NUFIP2: variants seen among roughly 807,000 people sequenced by gnomAD.
NUFIP2 encodes the protein nuclear FMR1 interacting protein 2.
In NUFIP2, 6 loss-of-function variants were observed where a neutral mutation model predicts 56.9. The observed-to-expected ratio is 0.11, with a 90% CI of 0.06 to 0.21. The LOEUF is 0.21. Among genes scored for constraint, NUFIP2 ranks in the 10% least tolerant of loss-of-function variants. The pLI is 1.00. For missense variants in NUFIP2, 828 were observed against 826.8 expected (o/e 1.00, Z -0.02); for synonymous variants, 321 against 298.2 (o/e 1.08, Z -0.79).
chr17:29,286,247 C>T lies in NUFIP2; in HGVS notation c.1747G>A (p.Gly583Arg). ...AAGGCTCCACTCTCACTAGTAGTCC[C>T]AGATTTTAGAATGCTACCCAGAACT... ...PQVLGSILKS[G>R]TTSESGALSL... The change falls in exon 2 of 4, where the codon GGG (glycine) becomes AGG (arginine). Residue 583 changes from glycine to arginine, a missense_variant. Physicochemically the swap from Gly to Arg is moderately radical, Grantham distance 125. Transcript: ENST00000225388. The T allele has an allele frequency of 6.2e-7, 1 of 1,614,184 alleles. No individual in the cohort carries two copies.
intron 3 of NUFIP2, among the ~76,000 whole-genome samples, chr17:29,264,965 G>C (rs1177040647): frequency 2.0e-5 from 3 of 152,146 alleles, no homozygotes; most frequent in Admixed American, 1.3e-4. Context: ...AGAAACACTT[G>C]GATTTTTCTT....
rs760733962 is a variant in NUFIP2 at position 29,286,420 on chromosome 17, T to G, written c.1574A>C (p.Lys525Thr). The G allele has an allele frequency of 6.2e-7, 1 of 1,614,146 alleles. No homozygotes were observed. The highest frequency in any genetic ancestry group is 8.5e-7 in the Non-Finnish European group (1 of 1,180,000). The change falls in exon 2 of 4, where the codon AAG becomes ACG. Residue 525 changes from lysine (K) to threonine (T), a missense_variant. By Grantham distance (78) the Lys-to-Thr change is moderately conservative (BLOSUM62 -1). Around this residue, in one of 3 missense-constraint regions of NUFIP2, gnomAD observed 404 missense variants for 380.3 expected, o/e 1.06. Transcript: ENST00000225388. ...CTCCATCACTTTATGCTCTGATGAC[T>G]TCCCAGTAACAGTCTCAGGGCCAGC... is the stretch of plus-strand genomic sequence containing the variant. ...PSAGPETVTG[K>T]SSEHKVMEVT...
At chr17:29,291,803 C>A (rs1009694377) in intron 1 of NUFIP2, among the ~76,000 whole-genome samples, 1 of 152,212 alleles carries the variant, frequency 6.6e-6, no homozygotes, top group African/African-American at 2.4e-5. Context: ...TGTTCCAAAT[C>A]TTTAGGATTA....
At position 29,262,168 on chromosome 17, in the gene NUFIP2, C is replaced by G. The variant is rs1429648350; in HGVS notation, c.*2371G>C. On this transcript the variant is annotated 3_prime_UTR_variant, in exon 4 of 4. Coordinates refer to ENST00000225388, the MANE Select transcript of NUFIP2 (RefSeq NM_020772.3). ...AATTCAACCTCTGTATGTCACAAAC[C>G]CAGAAAGTTTCTTGTGAGTTGTGAG... 6.6e-6 allele frequency: 1 copy of G among 152,354 alleles called. No homozygotes were observed. The highest frequency in any genetic ancestry group is 6.6e-5 in the Admixed American group (1 of 15,236). 9.4% of individuals were successfully genotyped at this position (152,354 alleles called of 1,614,324 possible). A position where few individuals can be genotyped will look rare whatever the true frequency, so the allele number is the denominator to read the frequency against.
At chr17:29,276,503 T>C (rs1259365991) in intron 2 of NUFIP2, among the ~76,000 whole-genome samples, 1 of 152,052 alleles carries the variant, frequency 6.6e-6, no homozygotes, top group East Asian at 1.9e-4. Flanking sequence ...TGGCTAATTT[T>C]TGTATATTGT....
At position 29,294,129 on chromosome 17, in the gene NUFIP2, A is replaced by G. The variant is rs2069238273; in HGVS notation, c.-70T>C. The stretch of plus-strand genomic sequence containing the variant: ...CCGTCAGGATCTGAGACTGCTTCTC[A>G]GGGCTCACTCAGTATATCTGAGCGC... On this transcript the variant is annotated 5_prime_UTR_variant, in exon 1 of 4. Coordinates refer to ENST00000225388, the MANE Select transcript of NUFIP2 (RefSeq NM_020772.3). The G allele has an allele frequency of 1.3e-6, 2 of 1,528,570 alleles. No homozygotes were observed. Among genetic ancestry groups the G allele is most frequent in the East Asian group, 2.3e-5 (1 of 44,058 alleles). The allele number at this position is 1,528,570 out of a possible 1,614,324, so 94.7% of individuals were successfully genotyped here. A position where few individuals can be genotyped will look rare whatever the true frequency, so the allele number is the denominator to read the frequency against.
At chr17:29,278,348 G>A (rs375829172) in intron 2 of NUFIP2, among the ~76,000 whole-genome samples, 2 of 151,830 alleles carry the variant, frequency 1.3e-5, no homozygotes, top group South Asian at 4.2e-4. Flanking sequence ...CCGGGTTCAC[G>A]CTATTCTCCT....
intron 3 of NUFIP2, among the ~76,000 whole-genome samples, chr17:29,267,207 CA>C (rs1325349554): frequency 1.4e-5 from 2 of 146,554 alleles, no homozygotes; most frequent in East Asian, 2.0e-4. Flanking sequence ...CCCGGCCCTA[CA>C]TTTTTTTTTT....
At chr17:29,276,068 C>T (rs8066154) in intron 2 of NUFIP2, among the ~76,000 whole-genome samples, 19,085 of 143,826 alleles carry the variant, frequency 0.13, 1,425 homozygotes, top group East Asian at 0.3. Context: ...GACCACATTG[C>T]TCAAAACTTT....
At position 29,287,248 on chromosome 17, in the gene NUFIP2, G is replaced by A. The variant is rs1317853077; in HGVS notation, c.746C>T (p.Thr249Ile). The change falls in exon 2 of 4, where the codon ACC (threonine) becomes ATC (isoleucine). Residue 249 changes from threonine to isoleucine, a missense_variant. Coordinates refer to ENST00000225388, the MANE Select transcript of NUFIP2 (RefSeq NM_020772.3). ...IVQDKIMQQE[T>I]SVPTLKQGLE... ...TCCCTGTTTTAAGGTTGGGACACTG[G>A]TCTCTTGTTGCATTATTTTGTCCTG... The A allele has an allele frequency of 3.7e-6, 6 of 1,613,972 alleles. No individual in the cohort carries two copies. The Admixed American group carries it at 6.7e-5, about 18-fold the overall frequency.
rs948365329 is a variant in NUFIP2, at chr17:29,259,750, T to A, written c.*4789A>T. ...ATAACTGATTTACCATTCCCAATAA[T>A]GCAAGAGCAACATACCAATCATGCT... On this transcript the variant is annotated 3_prime_UTR_variant, in exon 4 of 4. Transcript: ENST00000225388. 6.6e-6 allele frequency: 1 copy of A among 152,232 alleles called. No homozygotes were observed. The highest frequency in any genetic ancestry group is 1.5e-5 in the Non-Finnish European group (1 of 68,050). The allele number at this position is 152,232 out of a possible 1,614,324, so 9.4% of individuals were successfully genotyped here.
At chr17:29,270,021 A>G (rs2069062333) in intron 2 of NUFIP2, among the ~76,000 whole-genome samples, 1 of 152,112 alleles carries the variant, frequency 6.6e-6, no homozygotes, top group East Asian at 1.9e-4. Context: ...CGCCTGGCCA[A>G]GCCTGGCACT....
intron 2 of NUFIP2, among the ~76,000 whole-genome samples, chr17:29,274,230 T>C (rs560876334): frequency 2.6e-5 from 4 of 152,318 alleles, no homozygotes; most frequent in South Asian, 2.1e-4. Flanking sequence ...ACACCTGTAA[T>C]TGCAGCACTC....
intron 2 of NUFIP2, among the ~76,000 whole-genome samples, chr17:29,271,088 CTA>C (rs1182276846): frequency 6.6e-6 from 1 of 152,160 alleles, no homozygotes; most frequent in Admixed American, 6.5e-5. Flanking sequence ...TACTCAAATA[CTA>C]TACATTTAAA....
rs772554784 is a variant in NUFIP2, at chr17:29,293,940, G to C, written c.120C>G (p.Asn40Lys). ...GGTGGTGGTGGTGGTTGTGGCTGTGGTTGTAGAAATAATAATGGTGGTGGT... is the reference window on the plus strand; with the variant it reads ...GGTGGTGGTGGTGGTTGTGGCTGTGCTTGTAGAAATAATAATGGTGGTGGT... ...PHHHHHYYFY[N>K]HSHNHHHHHH... The change falls in exon 1 of 4, where the codon AAC becomes AAG. Residue 40 changes from asparagine (N) to lysine (K), a missense_variant. Asn to Lys is a moderately conservative substitution (Grantham distance 94). Coordinates refer to ENST00000225388, the MANE Select transcript of NUFIP2 (RefSeq NM_020772.3). The C allele has an allele frequency of 6.2e-7, 1 of 1,613,278 alleles. No individual in the cohort carries two copies.
At position 29,262,198 on chromosome 17, in the gene NUFIP2, A is replaced by T. The variant is rs2069007454; in HGVS notation, c.*2341T>A. On this transcript the variant is annotated 3_prime_UTR_variant, in exon 4 of 4. Transcript: ENST00000225388. ...AAGTTTCTTGTGAGTTGTGAGACGG[A>T]AGAACTTTAAAATTCCAGGCAAGCA... 6.6e-6 allele frequency: 1 copy of T among 152,556 alleles called. No individual in the cohort carries two copies. The highest frequency in any genetic ancestry group is 6.6e-5 in the Admixed American group (1 of 15,264). The allele number at this position is 152,556 out of a possible 1,614,324, so 9.5% of individuals were successfully genotyped here. A position where few individuals can be genotyped will look rare whatever the true frequency, so the allele number is the denominator to read the frequency against.
intron 2 of NUFIP2, among the ~76,000 whole-genome samples, chr17:29,270,981 A>G (rs950957909): frequency 2.6e-5 from 4 of 152,208 alleles, no homozygotes; most frequent in African/African-American, 9.7e-5. Context: ...ACTACTTTAA[A>G]AACAAAGCAA....
chr17:29,259,729 C>G lies in NUFIP2; in HGVS notation c.*4810G>C, dbSNP rs1356814079. The G allele has an allele frequency of 6.6e-6, 1 of 152,106 alleles. No homozygotes were observed. The highest frequency in any genetic ancestry group is 1.5e-5 in the Non-Finnish European group (1 of 68,034). The allele number at this position is 152,106 out of a possible 1,614,324, so 9.4% of individuals were successfully genotyped here. On this transcript the variant is annotated 3_prime_UTR_variant, in exon 4 of 4. Coordinates refer to ENST00000225388, the MANE Select transcript of NUFIP2 (RefSeq NM_020772.3). ...CCATTCCATAGTTTCTAGCCCATAA[C>G]TGATTTACCATTCCCAATAATGCAA...
rs1455181252 is a variant in NUFIP2, at chr17:29,282,658, T to A, written c.2002+3334A>T. On this transcript the variant is annotated intron_variant, in intron 2 of 3. Transcript: ENST00000225388. ...TGACATAACGCACTCTCTTACCCAC[T>A]ATTTCCAAATTAAGTTGCTGAAGGG... is the stretch of plus-strand genomic sequence containing the variant. Among the ~76,000 whole-genome samples the A allele has an allele frequency of 1.3e-5, 2 of 152,104 alleles. 1 individual carries two copies. Among genetic ancestry groups the A allele is most frequent in the Admixed American group, 1.3e-4 (2 of 15,282 alleles).
Sources: gnomAD v4.1 joint callset for allele counts (sites outside exome capture counted in the v4.1 genomes callset) on GRCh38, gnomAD v4.1.1 for gene constraint, gnomAD v4.1.1 regional missense constraint, MANE v1.5 for transcripts, NCBI Gene and HGNC (gene_info 2026-07-23, HGNC 2026-07-21) for gene names.